SLCO5A1: variants seen among roughly 807,000 people sequenced by gnomAD.
SLCO5A1 encodes the protein solute carrier organic anion transporter family member 5A1, also known as organic anion transporter polypeptide-related protein 4.
SLCO5A1 carries 39 observed loss-of-function variants against 65.1 expected under a neutral mutation model. That is an observed-to-expected ratio of 0.60 (90% CI 0.46 to 0.78). SLCO5A1 has a LOEUF of 0.78. SLCO5A1 is among the 30% of genes least tolerant of loss of function. The probability of loss-of-function intolerance (pLI) is 0.00; values close to 1 mark genes in which losing one functional copy is unlikely to be tolerated. For missense variants in SLCO5A1, 1,029 were observed against 1,069.4 expected, an observed-to-expected ratio of 0.96 and a Z score of 0.53; for synonymous variants, 438 against 415.7, an observed-to-expected ratio of 1.05 and a Z score of -0.65.
chr8:69,744,422 C>T (rs969862404), intron 4 of SLCO5A1, among the ~76,000 whole-genome samples: 3 of 152,214 alleles, frequency 2.0e-5, no homozygotes, highest in Admixed American at 6.5e-5. Flanking sequence ...AAATGTCAAA[C>T]TCATCCATCA....
At chr8:69,820,791 T>C (rs1184827993) in intron 2 of SLCO5A1, among the ~76,000 whole-genome samples, 1 of 152,202 alleles carries the variant, frequency 6.6e-6, no homozygotes, top group African/African-American at 2.4e-5. Context: ...TAAAATCATA[T>C]ATGTGTACAT....
At position 69,670,286 on chromosome 8, in the gene SLCO5A1, T is replaced by A. The variant is rs1813292308; in HGVS notation, c.*2583A>T. On this transcript the variant is annotated 3_prime_UTR_variant, in exon 10 of 10. Transcript: ENST00000260126. Reference sequence around the variant, plus strand: ...TGACTATAAAGTAATGGGATCAATTTATTAAGAAACATATAAGACCCTATA... The same window carrying A: ...TGACTATAAAGTAATGGGATCAATTAATTAAGAAACATATAAGACCCTATA... 3.3e-5 allele frequency: 5 copies of A among 152,226 alleles called. No individual in the cohort carries two copies. The South Asian group carries it at 1.0e-3, about 31-fold the overall frequency. The allele number at this position is 152,226 out of a possible 1,614,324, so 9.4% of individuals were successfully genotyped here. A position where few individuals can be genotyped will look rare whatever the true frequency, so the allele number is the denominator to read the frequency against.
intron 4 of SLCO5A1, among the ~76,000 whole-genome samples, chr8:69,751,435 G>A (rs1045029035): frequency 6.6e-6 from 1 of 152,018 alleles, no homozygotes; most frequent in African/African-American, 2.4e-5. Flanking sequence ...CACTGAGTCA[G>A]ATTTTCTCAA....
At chr8:69,807,526 G>T (rs575508861) in intron 2 of SLCO5A1, among the ~76,000 whole-genome samples, 42 of 152,090 alleles carry the variant, frequency 2.8e-4, no homozygotes, top group Non-Finnish European at 4.9e-4. Context: ...GCCCTCTCCC[G>T]CACAGCCTCT....
intron 2 of SLCO5A1, among the ~76,000 whole-genome samples, chr8:69,801,650 A>G (rs773004428): frequency 2.7e-4 from 41 of 152,166 alleles, no homozygotes; most frequent in Non-Finnish European, 3.8e-4. Flanking sequence ...ATTCATTTGA[A>G]TGCAAAAATA....
chr8:69,674,321 G>T (rs1309735123), intron 9 of SLCO5A1, among the ~76,000 whole-genome samples: 1 of 152,150 alleles, frequency 6.6e-6, no homozygotes, highest in Non-Finnish European at 1.5e-5. Flanking sequence ...AGGGAGGAAG[G>T]AATAAAAGAG....
At chr8:69,826,872 C>T (rs1377035867) in intron 2 of SLCO5A1, among the ~76,000 whole-genome samples, 1 of 151,980 alleles carries the variant, frequency 6.6e-6, no homozygotes, top group East Asian at 1.9e-4. Flanking sequence ...GCACTATTCA[C>T]AATAGCAAAG....
chr8:69,771,178 T>C (rs1818305584), intron 2 of SLCO5A1, among the ~76,000 whole-genome samples: 1 of 152,082 alleles, frequency 6.6e-6, no homozygotes, highest in Non-Finnish European at 1.5e-5. Flanking sequence ...GAGATGGGGT[T>C]CCACCGTGTT....
intron 2 of SLCO5A1, among the ~76,000 whole-genome samples, chr8:69,825,636 A>G (rs1480039267): frequency 2.0e-5 from 3 of 152,240 alleles, no homozygotes; most frequent in Admixed American, 6.5e-5. Context: ...AAGAGGACAC[A>G]AACAAATGGA....
chr8:69,771,662 C>A (rs1818328722), intron 2 of SLCO5A1, among the ~76,000 whole-genome samples: 1 of 152,204 alleles, frequency 6.6e-6, no homozygotes, highest in African/African-American at 2.4e-5. Flanking sequence ...CAGCATCACA[C>A]CTCTTCTGGG....
At position 69,667,259 on chromosome 8, in the gene SLCO5A1, C is replaced by T. The variant is rs899823217; in HGVS notation, c.*5610G>A. The T allele has an allele frequency of 2.6e-5, 4 of 151,846 alleles. No homozygotes were observed. The highest frequency in any genetic ancestry group is 5.9e-5 in the Non-Finnish European group (4 of 67,970). 9.4% of individuals were successfully genotyped at this position (151,846 alleles called of 1,614,324 possible). ...ACTTCTTTATGCAACAGTGCAAAAC[C>T]TTTCATCACAAACATACCTCTACAC... On this transcript the variant is annotated 3_prime_UTR_variant, in exon 10 of 10. Coordinates refer to ENST00000260126, the MANE Select transcript of SLCO5A1 (RefSeq NM_030958.3).
chr8:69,743,079 C>T (rs1586748641), intron 4 of SLCO5A1, among the ~76,000 whole-genome samples: 3 of 152,162 alleles, frequency 2.0e-5, no homozygotes, highest in Non-Finnish European at 2.9e-5. Context: ...GGATTACAGG[C>T]GTGAGCCACT....
At chr8:69,696,339 C>G (rs1814497848) in intron 6 of SLCO5A1, among the ~76,000 whole-genome samples, 1 of 152,154 alleles carries the variant, frequency 6.6e-6, no homozygotes, top group African/African-American at 2.4e-5. Flanking sequence ...AGGCAGAGGC[C>G]GCCTTGGAGA....
At chr8:69,762,178 CTTTCTT>C (rs989245541) in intron 2 of SLCO5A1, among the ~76,000 whole-genome samples, 28 of 60,908 alleles carry the variant, frequency 4.6e-4, no homozygotes, top group Middle Eastern at 0.014. Context: ...TTCTTTCTTT[CTTTCTT>C]TCTTTCTTTC....
chr8:69,745,277 C>T (rs183095798), intron 4 of SLCO5A1, among the ~76,000 whole-genome samples: 29 of 151,848 alleles, frequency 1.9e-4, no homozygotes, highest in Admixed American at 7.9e-4. Flanking sequence ...CAAGAAAATT[C>T]CTTCCCCAGG....
At chr8:69,812,987 C>T (rs1393281610) in intron 2 of SLCO5A1, among the ~76,000 whole-genome samples, 1 of 152,150 alleles carries the variant, frequency 6.6e-6, no homozygotes, top group African/African-American at 2.4e-5. Flanking sequence ...CATTCCCTTT[C>T]CAGCTGAAAT....
At chr8:69,758,049 A>G (rs1817602562) in intron 3 of SLCO5A1, among the ~76,000 whole-genome samples, 1 of 152,198 alleles carries the variant, frequency 6.6e-6, no homozygotes, top group African/African-American at 2.4e-5. Context: ...TGGGGTATTA[A>G]GTATGTTTGG....
intron 2 of SLCO5A1, among the ~76,000 whole-genome samples, chr8:69,806,598 G>A (rs766597447): frequency 4.6e-5 from 7 of 152,168 alleles, no homozygotes; most frequent in Non-Finnish European, 1.0e-4. Flanking sequence ...AGAGGAACAC[G>A]TGCAGGAGCA....
intron 6 of SLCO5A1, among the ~76,000 whole-genome samples, chr8:69,704,216 A>C (rs1685064242): frequency 6.6e-6 from 1 of 152,204 alleles, no homozygotes; most frequent in African/African-American, 2.4e-5. Context: ...CCTTTTTTAG[A>C]GAGCCATTTA....
Sources: gnomAD v4.1 joint callset for allele counts (sites outside exome capture counted in the v4.1 genomes callset) on GRCh38, gnomAD v4.1.1 for gene constraint, MANE v1.5 for transcripts, NCBI Gene and HGNC (gene_info 2026-07-23, HGNC 2026-07-21) for gene names.